MAGI2: variants seen among roughly 807,000 people sequenced by gnomAD.
MAGI2 encodes the protein membrane-associated guanylate kinase, WW and PDZ domain-containing protein 2.
MAGI2 carries 35 observed loss-of-function variants against 133.3 expected under a neutral mutation model. The ratio of observed to expected loss-of-function variants is 0.26; its 90% confidence interval spans 0.20 to 0.35. MAGI2 has a LOEUF of 0.35. MAGI2 is among the 10% of genes least tolerant of loss of function. MAGI2 has a pLI of 1.00. For synonymous variants in MAGI2, 729 were observed against 710.6 expected, an observed-to-expected ratio of 1.03 and a Z score of -0.41; for missense variants, 1,636 against 1,863.4, an observed-to-expected ratio of 0.88 and a Z score of 2.25.
chr7:78,598,282 A>G (rs1255819458), intron 3 of MAGI2, among the ~76,000 whole-genome samples: 1 of 152,144 alleles, frequency 6.6e-6, no homozygotes, highest in Admixed American at 6.5e-5. Context: ...TGAATATAAT[A>G]AGAGGGGATT....
chr7:78,247,166 C>T, intron 10 of MAGI2, among the ~76,000 whole-genome samples: 1 of 152,050 alleles, frequency 6.6e-6, no homozygotes, highest in Admixed American at 6.5e-5. Context: ...TAAGTCTGCC[C>T]ATTGTGGAGA....
chr7:78,020,302 A>G (rs1440389961), intron 21 of MAGI2, among the ~76,000 whole-genome samples: 2 of 152,130 alleles, frequency 1.3e-5, no homozygotes, highest in Non-Finnish European at 2.9e-5. Flanking sequence ...TCCTGTATAG[A>G]CAGCTCACTT....
intron 2 of MAGI2, among the ~76,000 whole-genome samples, chr7:78,815,641 T>G (rs1402057959): frequency 2.6e-5 from 4 of 152,218 alleles, no homozygotes; most frequent in Admixed American, 2.6e-4. Context: ...TATTTCAAAC[T>G]TTTTCATTAT....
intron 1 of MAGI2, among the ~76,000 whole-genome samples, chr7:79,203,181 C>G (rs1828761201): frequency 6.6e-6 from 1 of 152,050 alleles, no homozygotes; most frequent in Non-Finnish European, 1.5e-5. Context: ...CTAGTACACA[C>G]TACCATCATT....
chr7:79,435,866 C>G (rs778109362), intron 1 of MAGI2, among the ~76,000 whole-genome samples: 1 of 152,112 alleles, frequency 6.6e-6, no homozygotes, highest in Non-Finnish European at 1.5e-5. Context: ...TCAAACTACA[C>G]TATAATGCTA....
chr7:79,230,105 C>T (rs1449379715), intron 1 of MAGI2, among the ~76,000 whole-genome samples: 2 of 151,384 alleles, frequency 1.3e-5, no homozygotes, highest in African/African-American at 4.9e-5. Context: ...ATCCATGTCC[C>T]TACAAAGGAC....
intron 6 of MAGI2, among the ~76,000 whole-genome samples, chr7:78,392,726 C>A (rs1037260775): frequency 2.6e-5 from 4 of 152,176 alleles, no homozygotes; most frequent in African/African-American, 7.2e-5. Context: ...TCACTGCAAC[C>A]TCCGCCTCCC....
At chr7:78,178,211 T>G (rs1394884446) in intron 13 of MAGI2, 109 bp from the exon 14 acceptor site, 1 of 696,498 alleles carries the variant, frequency 1.4e-6, no homozygotes, top group Non-Finnish European at 2.5e-6. Flanking sequence ...TTAATGAGAG[T>G]GCTGTTAGGG....
chr7:78,700,846 A>T (rs1817992335), intron 2 of MAGI2, among the ~76,000 whole-genome samples: 1 of 151,890 alleles, frequency 6.6e-6, no homozygotes. Context: ...CTTCTCTTAA[A>T]TACACTCTGT....
At chr7:78,034,235 A>C (rs573321239) in intron 21 of MAGI2, among the ~76,000 whole-genome samples, 1 of 152,296 alleles carries the variant, frequency 6.6e-6, no homozygotes, top group East Asian at 1.9e-4. Flanking sequence ...TAGACATAGA[A>C]CAAGTGACTT....
At chr7:79,057,200 G>A (rs774132679) in intron 1 of MAGI2, among the ~76,000 whole-genome samples, 1 of 152,040 alleles carries the variant, frequency 6.6e-6, no homozygotes, top group African/African-American at 2.4e-5. Context: ...GAATTTTAAG[G>A]CTTAAAGGTC....
At chr7:79,278,237 G>C in intron 1 of MAGI2, among the ~76,000 whole-genome samples, 1 of 152,022 alleles carries the variant, frequency 6.6e-6, no homozygotes, top group East Asian at 1.9e-4. Context: ...CCATGTAATG[G>C]GCCTGCTCCT....
chr7:78,843,396 T>C (rs1249256223), intron 2 of MAGI2, among the ~76,000 whole-genome samples: 2 of 151,948 alleles, frequency 1.3e-5, no homozygotes, highest in African/African-American at 2.4e-5. Context: ...TGAAAATGAC[T>C]CAGGTTTTGT....
rs367832764 is a variant in MAGI2, at chr7:78,465,312, G to A, written c.1045+24449C>T. 6.4e-4 allele frequency among the ~76,000 whole-genome samples: 98 copies of A among 152,214 alleles called. 2 individuals carry two copies. The South Asian group carries it at 0.019, about 30-fold the overall frequency. ...ATATGAATCTTAAATTATAGACACT[G>A]GTATTACAGAATAGCAATGGGCACA... is the stretch of plus-strand genomic sequence containing the variant. On this transcript the variant is annotated intron_variant, in intron 6 of 21. Coordinates refer to ENST00000354212, the MANE Select transcript of MAGI2 (RefSeq NM_012301.4).
At chr7:78,649,700 A>G (rs1811338207) in intron 2 of MAGI2, among the ~76,000 whole-genome samples, 1 of 152,100 alleles carries the variant, frequency 6.6e-6, no homozygotes, top group Admixed American at 6.5e-5. Context: ...ATAAAGCCCC[A>G]TGTTTTGGCC....
chr7:78,216,912 G>A (rs1202349997), intron 10 of MAGI2, among the ~76,000 whole-genome samples: 2 of 152,184 alleles, frequency 1.3e-5, no homozygotes, highest in Non-Finnish European at 2.9e-5. Flanking sequence ...GGTTGCTGGG[G>A]AAAGATCTGT....
chr7:78,121,858 A>T lies in MAGI2; in HGVS notation c.3567+3836T>A, dbSNP rs764590165. Reference sequence around the variant, plus strand: ...AAATGTCCATAAAATGGAAAAATAGATAATTATTATAGGTTGTAGCATATT... The same window carrying T: ...AAATGTCCATAAAATGGAAAAATAGTTAATTATTATAGGTTGTAGCATATT... On this transcript the variant is annotated intron_variant, in intron 20 of 21. Coordinates refer to ENST00000354212, the MANE Select transcript of MAGI2 (RefSeq NM_012301.4). Among the ~76,000 whole-genome samples the T allele has an allele frequency of 6.9e-4, 105 of 152,368 alleles. 1 individual carries two copies. The Middle Eastern group carries it at 0.01, about 15-fold the overall frequency.
intron 1 of MAGI2, among the ~76,000 whole-genome samples, chr7:79,117,435 A>C (rs1295251284): frequency 6.6e-6 from 1 of 152,186 alleles, no homozygotes; most frequent in Non-Finnish European, 1.5e-5. Context: ...AAATCATAAT[A>C]TGATTTTTAA....
At chr7:78,559,671 TCTC>T (rs1422116921) in intron 3 of MAGI2, among the ~76,000 whole-genome samples, 1 of 152,128 alleles carries the variant, frequency 6.6e-6, no homozygotes, top group Admixed American at 6.6e-5. Flanking sequence ...AGTCCTATAT[TCTC>T]CTCTACACTG....
Sources: gnomAD v4.1 joint callset for allele counts (sites outside exome capture counted in the v4.1 genomes callset) on GRCh38, gnomAD v4.1.1 for gene constraint, MANE v1.5 for transcripts, NCBI Gene and HGNC (gene_info 2026-07-23, HGNC 2026-07-21) for gene names.